Variants in UBE4B observed in about 807,000 individuals in gnomAD.
UBE4B encodes the protein ubiquitination factor E4B.
In UBE4B, 27 loss-of-function variants were observed where a neutral mutation model predicts 148.1. The observed-to-expected ratio is 0.18, with a 90% CI of 0.13 to 0.25. The LOEUF (loss-of-function observed/expected upper bound fraction) is 0.25. Ranked by LOEUF, UBE4B falls within the 10% of genes least tolerant of loss-of-function variation. The pLI is 1.00. For synonymous variants in UBE4B, 596 were observed against 619.3 expected (o/e 0.96, Z 0.56); for missense variants, 1,170 against 1,662.4 (o/e 0.70, Z 5.15).
At chr1:10,152,740 T>C (rs1428994045) in intron 21 of UBE4B, among the ~76,000 whole-genome samples, 1 of 151,626 alleles carries the variant, frequency 6.6e-6, no homozygotes, top group Non-Finnish European at 1.5e-5. Flanking sequence ...AGAGGTTGCA[T>C]TGAACTGAGA....
chr1:10,077,279 A>G (rs1317403232), intron 2 of UBE4B, among the ~76,000 whole-genome samples: 1 of 152,166 alleles, frequency 6.6e-6, no homozygotes, highest in Non-Finnish European at 1.5e-5. Flanking sequence ...TTGTGGCAAC[A>G]TAACTCCAGT....
intron 15 of UBE4B, among the ~76,000 whole-genome samples, chr1:10,132,828 G>C (rs1211653455): frequency 6.6e-6 from 1 of 152,208 alleles, no homozygotes; most frequent in African/African-American, 2.4e-5. Flanking sequence ...GCCAGCCATT[G>C]TAGTGGCTGA....
chr1:10,147,763 A>G (rs1645898550), intron 19 of UBE4B, among the ~76,000 whole-genome samples: 1 of 152,164 alleles, frequency 6.6e-6, no homozygotes, highest in South Asian at 2.1e-4. Context: ...TAATTCAGAG[A>G]GTGAGCTAAG....
At chr1:10,057,042 G>A (rs2101804553) in intron 1 of UBE4B, among the ~76,000 whole-genome samples, 1 of 151,570 alleles carries the variant, frequency 6.6e-6, no homozygotes, top group South Asian at 2.1e-4. Flanking sequence ...GAATTCCTGG[G>A]CTCTGGTGAT....
intron 15 of UBE4B, among the ~76,000 whole-genome samples, chr1:10,134,078 CATTT>C (rs1280295772): frequency 6.7e-6 from 1 of 149,572 alleles, no homozygotes; most frequent in East Asian, 2.0e-4. Flanking sequence ...AAGAAAGAAA[CATTT>C]ATTGTGTTTC....
intron 2 of UBE4B, among the ~76,000 whole-genome samples, chr1:10,079,987 G>A (rs1249444293): frequency 6.6e-6 from 1 of 152,142 alleles, no homozygotes; most frequent in Non-Finnish European, 1.5e-5. Flanking sequence ...TGTTTAGCAT[G>A]AGGGCATGAA....
chr1:10,106,239 C>T lies in UBE4B; in HGVS notation c.852C>T (p.Ser284=). ...CGGCTCCCACTCCCAGTTTCTGGAG[C>T]TCTGTTCCCGTGATGGGCCCGTCTC... The part of the protein sequence containing the change: ...SSPAPTPSFW[S]SVPVMGPSLA... The change falls in exon 7 of 28, where the codon AGC becomes AGT. Residue 284 remains serine, a synonymous_variant. Coordinates refer to ENST00000343090, the MANE Select transcript of UBE4B (RefSeq NM_001105562.3). This position sits in a 1 kb window ranked among gnomAD's most constrained non-coding sequence, Gnocchi z 4.2. 1 of 1,612,952 alleles carries T rather than the reference C, an allele frequency of 6.2e-7. No homozygotes were observed. The highest frequency in any genetic ancestry group is 8.5e-7 in the Non-Finnish European group (1 of 1,179,128).
At chr1:10,105,394 C>G (rs1570898286) in intron 5 of UBE4B, 122 bp from the exon 6 acceptor site, 1 of 764,562 alleles carries the variant, frequency 1.3e-6, no homozygotes, top group African/African-American at 1.7e-5. Flanking sequence ...ATCCTTTTAC[C>G]ATTCCAGAAT....
At chr1:10,132,248 A>G (rs2101945710) in intron 14 of UBE4B, 121 bp from the exon 15 acceptor site, 1 of 669,806 alleles carries the variant, frequency 1.5e-6, no homozygotes. Flanking sequence ...AGGCTCTTCT[A>G]AAATGAGTAG....
intron 17 of UBE4B, 96 bp from the exon 18 acceptor site, chr1:10,144,844 A>G (rs769832402): frequency 2.8e-4 from 222 of 803,268 alleles, no homozygotes; most frequent in Middle Eastern, 3.0e-4. Flanking sequence ...TGCGAAAACA[A>G]ACAACTGCGT....
chr1:10,141,900 G>T (rs941509549), intron 17 of UBE4B, among the ~76,000 whole-genome samples: 4 of 152,158 alleles, frequency 2.6e-5, no homozygotes, highest in African/African-American at 9.7e-5. Context: ...TTAACTTTCA[G>T]ATAAGAGGTC....
intron 1 of UBE4B, 130 bp downstream of exon 1, chr1:10,033,824 A>AT: frequency 4.2e-6 from 4 of 961,974 alleles, no homozygotes; most frequent in Non-Finnish European, 5.8e-6. Context: ...TTTTCCAAGA[A>AT]TAACGTGACT....
At chr1:10,175,487 TA>T (rs1275828007) in intron 25 of UBE4B, among the ~76,000 whole-genome samples, 1 of 143,508 alleles carries the variant, frequency 7.0e-6, no homozygotes, top group Non-Finnish European at 1.5e-5. Flanking sequence ...CCATCTCTAC[TA>T]AAAATACAAA....
chr1:10,157,716 G>A (rs1400624202), intron 21 of UBE4B, among the ~76,000 whole-genome samples: 2 of 152,140 alleles, frequency 1.3e-5, no homozygotes, highest in Non-Finnish European at 2.9e-5. Context: ...GGCAGAGGTT[G>A]CAGTGAGCTG....
intron 24 of UBE4B, among the ~76,000 whole-genome samples, chr1:10,169,719 A>G (rs1557614689): frequency 6.6e-6 from 1 of 152,246 alleles, no homozygotes; most frequent in Non-Finnish European, 1.5e-5. Context: ...CACACATAGA[A>G]GTACCTGGCA....
Position 10,105,672 on chromosome 1 carries a change from A to C in UBE4B, c.737A>C (p.Asn246Thr). 1 of 1,614,190 alleles carries C rather than the reference A, an allele frequency of 6.2e-7. No homozygotes were observed. Among genetic ancestry groups the C allele is most frequent in the South Asian group, 1.1e-5 (1 of 91,078 alleles). The change falls in exon 6 of 28, where the codon AAC becomes ACC. Residue 246 changes from asparagine to threonine, a missense_variant. Physicochemically the swap from Asn to Thr is moderately conservative, Grantham distance 65. This residue lies in a region of UBE4B where 214 missense variants were observed against 209.1 expected (regional missense o/e 1.02). Coordinates refer to ENST00000343090, the MANE Select transcript of UBE4B (RefSeq NM_001105562.3). Reference protein sequence around the residue: ...ARSPDRNLLLNTGSNPGTSPM... With the variant: ...ARSPDRNLLLTTGSNPGTSPM... ...TCACCAGACAGAAATCTCTTGCTAA[A>C]CACTGGCTCCAATCCAGGAACAAGC...
intron 7 of UBE4B, among the ~76,000 whole-genome samples, chr1:10,111,563 G>T (rs1302661076): frequency 6.6e-6 from 1 of 152,104 alleles, no homozygotes; most frequent in African/African-American, 2.4e-5. Flanking sequence ...ACTATTCCAG[G>T]ACCTACAGCA....
At chr1:10,099,309 A>G (rs1644973301) in intron 3 of UBE4B, among the ~76,000 whole-genome samples, 1 of 152,192 alleles carries the variant, frequency 6.6e-6, no homozygotes, top group South Asian at 2.1e-4. Flanking sequence ...TAAGAAGTGT[A>G]TATTTAAAAT....
At chr1:10,043,862 T>A (rs1287647649) in intron 1 of UBE4B, among the ~76,000 whole-genome samples, 1 of 152,202 alleles carries the variant, frequency 6.6e-6, no homozygotes, top group African/African-American at 2.4e-5. Context: ...AGTGCTACAG[T>A]GTTAAAATTA....
Sources: gnomAD v4.1 joint callset for allele counts (sites outside exome capture counted in the v4.1 genomes callset) on GRCh38, gnomAD v4.1.1 for gene constraint, gnomAD v4.1.1 regional missense constraint, Gnocchi (gnomAD v3.1) non-coding constraint, MANE v1.5 for transcripts, NCBI Gene and HGNC (gene_info 2026-07-23, HGNC 2026-07-21) for gene names.